The following MSRB3 variants were observed in gnomAD, a reference collection of about 807,000 sequenced individuals.
The protein encoded by MSRB3 is methionine-R-sulfoxide reductase B3.
MSRB3 carries 13 observed loss-of-function variants against 21.0 expected under a neutral mutation model. The ratio of observed to expected loss-of-function variants is 0.62; its 90% confidence interval spans 0.40 to 0.98. The LOEUF (loss-of-function observed/expected upper bound fraction) is 0.98, where lower values mean the gene tolerates loss of function less well. Among genes scored for constraint, MSRB3 ranks in the 50% least tolerant of loss-of-function variants. The pLI is 0.00. For missense variants in MSRB3, 199 were observed against 230.3 expected (o/e 0.86, Z 0.88); for synonymous variants, 87 against 88.6 (o/e 0.98, Z 0.10).
At chr12:65,456,000 G>C (rs1378128456) in intron 6 of MSRB3, among the ~76,000 whole-genome samples, 2 of 152,108 alleles carry the variant, frequency 1.3e-5, no homozygotes, top group African/African-American at 4.8e-5. Flanking sequence ...GCCTCCTAAA[G>C]TGCTGGGATT....
intron 5 of MSRB3, among the ~76,000 whole-genome samples, chr12:65,404,903 C>T (rs1880325687): frequency 6.6e-6 from 1 of 151,958 alleles, no homozygotes; most frequent in South Asian, 2.1e-4. Flanking sequence ...CCCAACATTT[C>T]CCCAATTCCT....
intron 2 of MSRB3, chr12:65,308,867 C>T (rs911591475): frequency 1.5e-6 from 1 of 648,812 alleles, no homozygotes; most frequent in Non-Finnish European, 2.7e-6. Context: ...GTCCAGTTTC[C>T]TTGCCCAGTG....
At chr12:65,431,410 C>T (rs115019857) in intron 5 of MSRB3, among the ~76,000 whole-genome samples, 1,631 of 152,028 alleles carry the variant, frequency 0.011, 39 homozygotes, top group African/African-American at 0.038. Context: ...CCTACTTAGG[C>T]CCGTTTCTGT....
chr12:65,321,928 T>G (rs918146524), intron 2 of MSRB3, among the ~76,000 whole-genome samples: 3 of 152,174 alleles, frequency 2.0e-5, no homozygotes, highest in African/African-American at 7.2e-5. Context: ...CATTCTTATC[T>G]CTTATTCATT....
intron 1 of MSRB3, among the ~76,000 whole-genome samples, chr12:65,303,653 T>G (rs1403970600): frequency 6.6e-6 from 1 of 152,090 alleles, no homozygotes; most frequent in Non-Finnish European, 1.5e-5. Flanking sequence ...ACTCAATAAA[T>G]AAATGCCGGG....
chr12:65,454,056 G>T, intron 6 of MSRB3: 2 of 644,588 alleles, frequency 3.1e-6, no homozygotes, highest in Non-Finnish European at 5.6e-6. Flanking sequence ...GGCCAAGTGG[G>T]GAGGATCACT....
intron 6 of MSRB3, among the ~76,000 whole-genome samples, chr12:65,455,203 G>T (rs1022680546): frequency 6.6e-6 from 1 of 150,608 alleles, no homozygotes; most frequent in Non-Finnish European, 1.5e-5. Context: ...AGGGAGGGAG[G>T]TTAGTTTGAA....
chr12:65,407,841 G>A (rs78118028), intron 5 of MSRB3, among the ~76,000 whole-genome samples: 1,882 of 152,020 alleles, frequency 0.012, 46 homozygotes, highest in African/African-American at 0.044. Flanking sequence ...GTTGATGAGC[G>A]CATAAAAAGG....
chr12:65,304,804 GA>G (rs1317077278), intron 1 of MSRB3, among the ~76,000 whole-genome samples: 1 of 152,226 alleles, frequency 6.6e-6, no homozygotes, highest in Non-Finnish European at 1.5e-5. Context: ...CTGCCGAATT[GA>G]AACTTCAATT....
At chr12:65,301,740 G>A (rs1873343399) in intron 1 of MSRB3, among the ~76,000 whole-genome samples, 1 of 151,800 alleles carries the variant, frequency 6.6e-6, no homozygotes, top group Non-Finnish European at 1.5e-5. Flanking sequence ...GATAACAAAA[G>A]AATAAAACAT....
chr12:65,417,593 C>A (rs939217166), intron 5 of MSRB3, among the ~76,000 whole-genome samples: 1 of 152,158 alleles, frequency 6.6e-6, no homozygotes, highest in East Asian at 1.9e-4. Context: ...GTCTCTTGAA[C>A]TTATTTCTCC....
chr12:65,379,270 G>A (rs1384023143), intron 5 of MSRB3, among the ~76,000 whole-genome samples: 3 of 151,826 alleles, frequency 2.0e-5, no homozygotes, highest in Non-Finnish European at 4.4e-5. Context: ...CCTTGCTGTT[G>A]GACCTGGACA....
intron 5 of MSRB3, among the ~76,000 whole-genome samples, chr12:65,421,155 T>A (rs1405646229): frequency 6.6e-6 from 1 of 152,194 alleles, no homozygotes; most frequent in South Asian, 2.1e-4. Context: ...ATAATGTCCT[T>A]TCTGACTCAT....
chr12:65,350,331 A>G (rs1241429140), intron 4 of MSRB3, among the ~76,000 whole-genome samples: 1 of 152,056 alleles, frequency 6.6e-6, no homozygotes, highest in East Asian at 1.9e-4. Context: ...TATAGTTTGA[A>G]GTCAGGTAGT....
At chr12:65,292,141 A>G (rs1872699366) in intron 1 of MSRB3, among the ~76,000 whole-genome samples, 1 of 152,210 alleles carries the variant, frequency 6.6e-6, no homozygotes, top group Non-Finnish European at 1.5e-5. Flanking sequence ...TGGTGTTCAT[A>G]TCATTGAGCC....
chr12:65,433,094 A>G (rs1279428929), intron 5 of MSRB3, among the ~76,000 whole-genome samples: 3 of 152,000 alleles, frequency 2.0e-5, no homozygotes, highest in African/African-American at 7.2e-5. Flanking sequence ...TAGAATTACC[A>G]TATAATCCAG....
intron 5 of MSRB3, among the ~76,000 whole-genome samples, chr12:65,385,928 C>A (rs1428412990): frequency 6.6e-6 from 1 of 151,510 alleles, no homozygotes; most frequent in African/African-American, 2.4e-5. Flanking sequence ...ACATATTTGA[C>A]CTTGTATTTT....
At chr12:65,330,588 C>G (rs1875348761) in intron 4 of MSRB3, among the ~76,000 whole-genome samples, 1 of 152,094 alleles carries the variant, frequency 6.6e-6, no homozygotes. Flanking sequence ...GCGTCTTCCT[C>G]CCATCTCCTC....
At chr12:65,418,855 A>T in intron 5 of MSRB3, 1 of 793,564 alleles carries the variant, frequency 1.3e-6, no homozygotes, top group South Asian at 1.4e-5. Flanking sequence ...GAAGTCCTTG[A>T]TGTCTTCTGG....
Sources: gnomAD v4.1 joint callset for allele counts (sites outside exome capture counted in the v4.1 genomes callset) on GRCh38, gnomAD v4.1.1 for gene constraint, MANE v1.5 for transcripts, NCBI Gene and HGNC (gene_info 2026-07-23, HGNC 2026-07-21) for gene names.